MAGI3: variants seen among roughly 807,000 people sequenced by gnomAD.
The protein encoded by MAGI3 is membrane-associated guanylate kinase, WW and PDZ domain-containing protein 3.
MAGI3 carries 43 observed loss-of-function variants against 121.8 expected under a neutral mutation model. The ratio of observed to expected loss-of-function variants is 0.35; its 90% CI spans 0.28 to 0.46. The LOEUF (loss-of-function observed/expected upper bound fraction) is 0.46, where lower values mean the gene tolerates loss of function less well. Ranked by LOEUF, MAGI3 falls within the 20% of genes least tolerant of loss-of-function variation. The pLI is 1.00. For missense variants in MAGI3, 1,547 were observed against 1,797.3 expected, an observed-to-expected ratio of 0.86 and a Z score of 2.52; for synonymous variants, 553 against 639.3, an observed-to-expected ratio of 0.86 and a Z score of 2.04.
intron 1 of MAGI3, among the ~76,000 whole-genome samples, chr1:113,430,479 C>CT (rs979689873): frequency 6.6e-6 from 1 of 151,992 alleles, no homozygotes; most frequent in Non-Finnish European, 1.5e-5. Context: ...GGCTTTGTGA[C>CT]TTTTTTTAGA....
At chr1:113,466,851 T>C (rs527537786) in intron 1 of MAGI3, among the ~76,000 whole-genome samples, 20 of 152,190 alleles carry the variant, frequency 1.3e-4, no homozygotes, top group African/African-American at 4.3e-4. Flanking sequence ...CTTAGTCTAG[T>C]TAAAGATTTG....
intron 1 of MAGI3, among the ~76,000 whole-genome samples, chr1:113,479,423 A>T (rs927362984): frequency 6.6e-6 from 1 of 152,014 alleles, no homozygotes; most frequent in Non-Finnish European, 1.5e-5. Context: ...TAAATATGTC[A>T]TCTCATTCTC....
rs138590920 is a variant in MAGI3, at chr1:113,407,108, G to A, written c.316+15759G>A. Among the ~76,000 whole-genome samples the A allele has an allele frequency of 2.4e-4, 36 of 152,238 alleles. 1 individual carries two copies. The highest frequency in any genetic ancestry group is 1.7e-3 in the South Asian group (8 of 4,826). On this transcript the variant is annotated intron_variant, in intron 1 of 20. Coordinates refer to ENST00000307546, the MANE Select transcript of MAGI3 (RefSeq NM_001142782.2). ...GTGGGGGTCTGTTAGCCACAGTAAG[G>A]GGTTTGGATTTTATTTATTCTTAAT...
chr1:113,477,320 A>G (rs755034820), intron 1 of MAGI3, among the ~76,000 whole-genome samples: 11 of 152,106 alleles, frequency 7.2e-5, no homozygotes, highest in Non-Finnish European at 1.3e-4. Context: ...TCTTTATAGC[A>G]TCGATGGTCT....
intron 11 of MAGI3, among the ~76,000 whole-genome samples, chr1:113,644,276 T>TTTTATTTA (rs1652711545): frequency 6.6e-6 from 1 of 151,998 alleles, no homozygotes; most frequent in South Asian, 2.1e-4. Flanking sequence ...ATTATTTATT[T>TTTTATTTA]TTTATTTATT....
chr1:113,683,634 A>G lies in MAGI3; in HGVS notation c.4066A>G (p.Lys1356Glu), dbSNP rs574139129. The G allele has an allele frequency of 1.2e-5, 19 of 1,612,814 alleles. No individual in the cohort carries two copies. The African/African-American group carries it at 1.9e-4, about 16-fold the overall frequency. ...AAAAAGCAGAACAAGGTCTCCAGAG[A>G]AAAAAATCAAAAGAATGGTTGAGAA... ...LEKSRTRSPE[K>E]KIKRMVEKSL... is the part of the protein sequence containing the mutation. Residue 1356 changes from lysine (K) to glutamate (E), a missense_variant, in exon 21 of 21, where the codon AAA becomes GAA. Transcript: ENST00000307546.
In MAGI3 at chr1:113,464,129, T is replaced by G. The variant is rs566544129; in HGVS notation, c.316+72780T>G. ...TATCAAACCATATATTTGTACCTAT[T>G]AATCAACTCCTCTTCATCTCTTCCT... On this transcript the variant is annotated intron_variant, in intron 1 of 20. Coordinates refer to ENST00000307546, the MANE Select transcript of MAGI3 (RefSeq NM_001142782.2). 1.1e-4 allele frequency among the ~76,000 whole-genome samples: 17 copies of G among 152,232 alleles called. No individual in the cohort carries two copies. The East Asian group carries it at 3.1e-3, about 28-fold the overall frequency.
At chr1:113,456,395 A>G (rs1054560919) in intron 1 of MAGI3, among the ~76,000 whole-genome samples, 4 of 152,184 alleles carry the variant, frequency 2.6e-5, no homozygotes, top group Non-Finnish European at 5.9e-5. Flanking sequence ...TTCTATATCC[A>G]ACTGTTTTGT....
intron 1 of MAGI3, among the ~76,000 whole-genome samples, chr1:113,401,632 C>T (rs1403091071): frequency 1.3e-5 from 2 of 152,008 alleles, no homozygotes; most frequent in Non-Finnish European, 2.9e-5. Context: ...CTTGTGTTTC[C>T]TTTCTACTTC....
chr1:113,516,080 TCTATCTCCAACAGAAGAGTGA>T (rs1225208738), intron 1 of MAGI3, among the ~76,000 whole-genome samples: 1 of 152,000 alleles, frequency 6.6e-6, no homozygotes, highest in African/African-American at 2.4e-5. Flanking sequence ...TCATCATCCT[TCTATCTCCAACAGAAGAGTGA>T]ACTCATGTTT....
intron 1 of MAGI3, among the ~76,000 whole-genome samples, chr1:113,392,503 A>G (rs1486763802): frequency 1.3e-5 from 2 of 152,196 alleles, no homozygotes. Context: ...AAATATTAAT[A>G]TATCTTTAAT....
At chr1:113,599,626 G>A (rs947493337) in intron 6 of MAGI3, among the ~76,000 whole-genome samples, 5 of 151,048 alleles carry the variant, frequency 3.3e-5, no homozygotes, top group African/African-American at 9.7e-5. Flanking sequence ...ATTCACAGCC[G>A]AATTCTACCA....
rs1337679094 is a variant in MAGI3 at position 113,472,388 on chromosome 1, G to C, written c.317-77127G>C. 2.0e-5 allele frequency among the ~76,000 whole-genome samples: 3 copies of C among 152,030 alleles called. No individual in the cohort carries two copies. The South Asian group carries it at 6.2e-4, about 32-fold the overall frequency. On this transcript the variant is annotated intron_variant, in intron 1 of 20. Coordinates refer to ENST00000307546, the MANE Select transcript of MAGI3 (RefSeq NM_001142782.2). ...CGGCTAATTTTTTGTATTTTTAGTA[G>C]AGATGGGGTTTCACCGTGTTAGCCA...
Position 113,551,178 on chromosome 1 carries a change from T to C in MAGI3, c.433+1547T>C, listed in dbSNP as rs951444714. On this transcript the variant is annotated intron_variant, in intron 2 of 20. Coordinates refer to ENST00000307546, the MANE Select transcript of MAGI3 (RefSeq NM_001142782.2). Reference sequence around the variant, plus strand: ...TCCTGATCCTCAGAAACTCTCTATATAGAATTAGAATAACAAGACTTACCT... The same window carrying C: ...TCCTGATCCTCAGAAACTCTCTATACAGAATTAGAATAACAAGACTTACCT... Among the ~76,000 whole-genome samples the C allele has an allele frequency of 6.8e-4, 104 of 152,136 alleles. 3 individuals carry two copies. Among genetic ancestry groups the C allele is most frequent in the Non-Finnish European group, 2.2e-4 (15 of 68,016 alleles).
At chr1:113,606,780 T>C (rs1649800325) in intron 6 of MAGI3, among the ~76,000 whole-genome samples, 1 of 152,220 alleles carries the variant, frequency 6.6e-6, no homozygotes. Flanking sequence ...TATGTTTGCC[T>C]GTTCCTCTCT....
intron 1 of MAGI3, among the ~76,000 whole-genome samples, chr1:113,419,500 A>T (rs921649371): frequency 3.3e-5 from 5 of 152,126 alleles, no homozygotes; most frequent in African/African-American, 1.2e-4. Flanking sequence ...AACCAAATGG[A>T]TAGGGCTTTA....
chr1:113,405,474 CAAAAAAAAAAA>C (rs5777158), intron 1 of MAGI3, among the ~76,000 whole-genome samples: 6,621 of 54,988 alleles, frequency 0.12, 301 homozygotes, highest in Non-Finnish European at 0.14. Context: ...GAAACTGTCT[CAAAAAAAAAAA>C]AAAAAAAAAA....
At chr1:113,628,092 C>G (rs1332922335) in intron 9 of MAGI3, among the ~76,000 whole-genome samples, 1 of 152,064 alleles carries the variant, frequency 6.6e-6, no homozygotes, top group Non-Finnish European at 1.5e-5. Flanking sequence ...TTGTGATTGT[C>G]TCTTCCTTAT....
intron 1 of MAGI3, among the ~76,000 whole-genome samples, chr1:113,420,730 G>A (rs1652693209): frequency 6.6e-6 from 1 of 152,186 alleles, no homozygotes; most frequent in African/African-American, 2.4e-5. Context: ...AATATTTCAT[G>A]GTTTTGATTA....
Sources: gnomAD v4.1 joint callset for allele counts (sites outside exome capture counted in the v4.1 genomes callset) on GRCh38, gnomAD v4.1.1 for gene constraint, MANE v1.5 for transcripts, NCBI Gene and HGNC (gene_info 2026-07-23, HGNC 2026-07-21) for gene names.